The following SHISA9 variants were observed in gnomAD, a reference collection of about 807,000 sequenced individuals.
SHISA9 encodes the protein protein shisa-9.
Under a neutral mutation model 38.0 loss-of-function variants are expected in SHISA9, and 13 were observed. The observed-to-expected ratio is 0.34, with a 90% CI of 0.22 to 0.54. The LOEUF is 0.54. Among genes scored for constraint, SHISA9 ranks in the 20% least tolerant of loss-of-function variants. SHISA9 has a pLI of 0.91. For missense variants in SHISA9, 538 were observed against 575.8 expected, an observed-to-expected ratio of 0.93 and a Z score of 0.67; for synonymous variants, 275 against 242.0, an observed-to-expected ratio of 1.14 and a Z score of -1.27.
At chr16:13,183,555 A>C (rs1001890948) in intron 2 of SHISA9, among the ~76,000 whole-genome samples, 1 of 152,228 alleles carries the variant, frequency 6.6e-6, no homozygotes, top group African/African-American at 2.4e-5. Context: ...TGATCTCCCA[A>C]CTGAGAGCTT....
At chr16:13,204,210 G>GACTA (rs1555471120) in intron 3 of SHISA9, among the ~76,000 whole-genome samples, 1 of 140,986 alleles carries the variant, frequency 7.1e-6, no homozygotes, top group African/African-American at 2.6e-5. Context: ...CTGTCTGTCT[G>GACTA]TCTATCTATC....
rs1319444955 is a variant in SHISA9, at chr16:12,970,503, T to A, written c.691+53688T>A. 1.3e-3 allele frequency among the ~76,000 whole-genome samples: 41 copies of A among 32,166 alleles called. 1 individual carries two copies. The highest frequency in any genetic ancestry group is 2.9e-3 in the African/African-American group (25 of 8,750). 21.1% of individuals were successfully genotyped at this position (32,166 alleles called of 152,430 possible). ...TATATATATATATATATATATTTTT[T>A]TTTTTTTTTTTTTTTTTTTTTTTTT... On this transcript the variant is annotated intron_variant, in intron 2 of 4. Coordinates refer to ENST00000558583, the MANE Select transcript of SHISA9 (RefSeq NM_001145204.3).
chr16:13,437,153 C>A, the SHISA9 span, among the ~76,000 whole-genome samples: 1 of 151,922 alleles, frequency 6.6e-6, no homozygotes, highest in African/African-American at 2.4e-5. Flanking sequence ...CCACATCGTT[C>A]CAGAAAAATT....
At chr16:13,186,682 A>T (rs139474712) in intron 2 of SHISA9, among the ~76,000 whole-genome samples, 1 of 152,204 alleles carries the variant, frequency 6.6e-6, no homozygotes, top group East Asian at 1.9e-4. Flanking sequence ...GAACTTTTTC[A>T]TCTTCCCAAA....
chr16:12,938,650 A>G (rs2071566845), intron 2 of SHISA9, among the ~76,000 whole-genome samples: 1 of 151,984 alleles, frequency 6.6e-6, no homozygotes, highest in Non-Finnish European at 1.5e-5. Context: ...GGCACCTGCC[A>G]CCACGCCCAG....
At chr16:13,019,454 GTC>G (rs1416301753) in intron 2 of SHISA9, among the ~76,000 whole-genome samples, 1 of 151,798 alleles carries the variant, frequency 6.6e-6, no homozygotes, top group Non-Finnish European at 1.5e-5. Context: ...GCTCTCTGGC[GTC>G]TCTTTTTTTT....
intron 2 of SHISA9, among the ~76,000 whole-genome samples, chr16:12,981,771 A>G (rs554605342): frequency 2.0e-5 from 3 of 152,322 alleles, no homozygotes; most frequent in African/African-American, 7.2e-5. Context: ...AAATGAGGTC[A>G]TATGGGTGGA....
chr16:13,169,608 T>A (rs1466722337), intron 2 of SHISA9, among the ~76,000 whole-genome samples: 1 of 152,254 alleles, frequency 6.6e-6, no homozygotes, highest in Non-Finnish European at 1.5e-5. Flanking sequence ...AGGCAGCTGA[T>A]GTATCATTTT....
At chr16:13,025,417 C>A (rs1387813285) in intron 2 of SHISA9, among the ~76,000 whole-genome samples, 1 of 152,180 alleles carries the variant, frequency 6.6e-6, no homozygotes, top group Admixed American at 6.5e-5. Flanking sequence ...GTTGAAACAC[C>A]ACTTCCCTAG....
chr16:13,467,129 G>C, the SHISA9 span, among the ~76,000 whole-genome samples: 2 of 152,168 alleles, frequency 1.3e-5, no homozygotes, highest in Admixed American at 1.3e-4. Flanking sequence ...AGAGTGCCTA[G>C]ATGGATGGTG....
At chr16:13,308,225 T>TC in the SHISA9 span, among the ~76,000 whole-genome samples, 1 of 151,478 alleles carries the variant, frequency 6.6e-6, no homozygotes, top group Non-Finnish European at 1.5e-5. Flanking sequence ...TTTTTTTTTT[T>TC]ATGTTCATCA....
intron 2 of SHISA9, among the ~76,000 whole-genome samples, chr16:12,917,049 A>C (rs981453936): frequency 6.6e-6 from 1 of 152,192 alleles, no homozygotes; most frequent in African/African-American, 2.4e-5. Context: ...TGATACTTTT[A>C]GCTAGCAGAC....
intron 2 of SHISA9, among the ~76,000 whole-genome samples, chr16:12,961,625 G>A (rs1010213838): frequency 6.6e-6 from 1 of 152,162 alleles, no homozygotes; most frequent in Non-Finnish European, 1.5e-5. Context: ...GAAGAAAGAA[G>A]GGGGAAGAAG....
intron 2 of SHISA9, among the ~76,000 whole-genome samples, chr16:13,073,875 C>T (rs781773278): frequency 6.6e-5 from 10 of 151,776 alleles, no homozygotes; most frequent in Non-Finnish European, 1.3e-4. Flanking sequence ...TCCTGCAGCG[C>T]GTCCAGAAGA....
intron 2 of SHISA9, among the ~76,000 whole-genome samples, chr16:13,160,017 A>G (rs999738306): frequency 1.3e-5 from 2 of 152,268 alleles, no homozygotes; most frequent in Non-Finnish European, 2.9e-5. Context: ...CAAGAAATAA[A>G]ATAATTCTAT....
the SHISA9 span, among the ~76,000 whole-genome samples, chr16:13,374,409 T>C: frequency 2.6e-5 from 4 of 152,092 alleles, no homozygotes; most frequent in Non-Finnish European, 1.5e-5. Context: ...AGTGAGAACA[T>C]GTGGTGTTTG....
At chr16:13,543,364 A>G in the SHISA9 span, among the ~76,000 whole-genome samples, 4 of 152,232 alleles carry the variant, frequency 2.6e-5, no homozygotes, top group East Asian at 5.8e-4. Context: ...ACTGACACAT[A>G]GAAGACCTTG....
chr16:12,993,357 T>A (rs193052041), intron 2 of SHISA9, among the ~76,000 whole-genome samples: 7 of 152,296 alleles, frequency 4.6e-5, no homozygotes, highest in Admixed American at 6.5e-5. Context: ...TTGCATGGAC[T>A]CTGGAAGTAG....
At chr16:12,997,868 C>G (rs1231070605) in intron 2 of SHISA9, among the ~76,000 whole-genome samples, 6 of 152,192 alleles carry the variant, frequency 3.9e-5, no homozygotes, top group Admixed American at 3.3e-4. Context: ...AGATATATCT[C>G]TAGATAATCA....
Sources: allele counts gnomAD v4.1 joint callset (sites outside exome capture counted in the v4.1 genomes callset), GRCh38; gene constraint gnomAD v4.1.1; transcripts MANE v1.5; gene names NCBI Gene and HGNC (gene_info 2026-07-23, HGNC 2026-07-21).